LAMB1: variants seen among roughly 807,000 people sequenced by gnomAD.
LAMB1 encodes the protein laminin subunit beta-1.
Under a neutral mutation model 222.3 loss-of-function variants are expected in LAMB1, and 121 were observed. That is an observed-to-expected ratio of 0.54 (90% CI 0.47 to 0.63). The LOEUF (loss-of-function observed/expected upper bound fraction) is 0.63, where lower values mean the gene tolerates loss of function less well. Among genes scored for constraint, LAMB1 ranks in the 30% least tolerant of loss-of-function variants. LAMB1 has a pLI of 0.00. For missense variants in LAMB1, 2,172 were observed against 2,240.8 expected (o/e 0.97, Z 0.62); for synonymous variants, 794 against 807.2 (o/e 0.98, Z 0.28).
At chr7:107,934,913 A>C (rs1385182790) in intron 27 of LAMB1, among the ~76,000 whole-genome samples, 36 of 147,424 alleles carry the variant, frequency 2.4e-4, no homozygotes, top group Non-Finnish European at 4.8e-4. Context: ...AAAAAAAAAA[A>C]AAAAAAAGCG....
intron 24 of LAMB1, among the ~76,000 whole-genome samples, chr7:107,946,389 G>A (rs2033116409): frequency 6.6e-6 from 1 of 152,222 alleles, no homozygotes; most frequent in Non-Finnish European, 1.5e-5. Context: ...CTGCAGAAAT[G>A]AGCTGCCTGT....
Position 107,987,871 on chromosome 7 carries a change from A to G in LAMB1, c.424-1508T>C, listed in dbSNP as rs1227292891. On this transcript the variant is annotated intron_variant, in intron 5 of 33. Transcript: ENST00000222399. ...GGTGGAGGCGGCTGCACGTGGCAGA[A>G]GAGGTTGGTCGGGGCAGGTAAGAAG... Among the ~76,000 whole-genome samples, 3 of 152,220 alleles carry G rather than the reference A, an allele frequency of 2.0e-5. No individual in the cohort carries two copies. The East Asian group carries it at 5.8e-4, about 29-fold the overall frequency.
At chr7:107,977,684 C>G (rs752916011) in intron 9 of LAMB1, among the ~76,000 whole-genome samples, 8 of 152,024 alleles carry the variant, frequency 5.3e-5, no homozygotes, top group Non-Finnish European at 1.5e-5. Flanking sequence ...TCAGCTACTC[C>G]AGGAGAATCG....
At chr7:107,997,996 G>A (rs1433580389) in intron 4 of LAMB1, among the ~76,000 whole-genome samples, 1 of 152,034 alleles carries the variant, frequency 6.6e-6, no homozygotes, top group Non-Finnish European at 1.5e-5. Flanking sequence ...CCTTCCTTTG[G>A]GATTGATCAA....
intron 22 of LAMB1, among the ~76,000 whole-genome samples, 178 bp from the exon 23 acceptor site, chr7:107,952,401 G>A (rs912000088): frequency 6.6e-6 from 1 of 152,186 alleles, no homozygotes; most frequent in African/African-American, 2.4e-5. Flanking sequence ...AGAAGTTCTC[G>A]TGATTTCTTA....
chr7:107,926,075 G>T, intron 32 of LAMB1, 108 bp downstream of exon 32: 2 of 786,772 alleles, frequency 2.5e-6, no homozygotes, highest in Non-Finnish European at 4.2e-6. Flanking sequence ...TGATATTTCT[G>T]ATGAATTCTG....
Position 107,985,444 on chromosome 7 carries a change from G to C in LAMB1, c.676+578C>G, listed in dbSNP as rs145485564. The stretch of plus-strand genomic sequence containing the variant: ...TTCGAGACCCAGCCTGGCCAACATG[G>C]TGAAAACCCGTCTCTACTAAAAATA... On this transcript the variant is annotated intron_variant, in intron 7 of 33. Transcript: ENST00000222399. 6.4e-3 allele frequency among the ~76,000 whole-genome samples: 973 copies of C among 151,882 alleles called. 10 individuals carry two copies. Among genetic ancestry groups the C allele is most frequent in the African/African-American group, 0.021 (867 of 41,374 alleles).
At chr7:107,967,880 A>G (rs2033665968) in intron 13 of LAMB1, among the ~76,000 whole-genome samples, 1 of 152,246 alleles carries the variant, frequency 6.6e-6, no homozygotes, top group Non-Finnish European at 1.5e-5. Flanking sequence ...TAGAGTTACA[A>G]GCAAAGCACT....
rs200975122 is a variant in LAMB1 at position 107,952,119 on chromosome 7, C to T, written c.3184G>A (p.Gly1062Arg). Residue 1062 changes from glycine to arginine, a missense_variant, in exon 23 of 34, where the codon GGG becomes AGG. By Grantham distance (125) the Gly-to-Arg change is moderately radical. Transcript: ENST00000222399. ...GQCLCLPNVI[G>R]QNCDRCAPNT... is the part of the protein sequence containing the mutation. ...GGCGCACAGCGGTCACAGTTCTGCCCGATCACATTAGGAAGACACAAGCAC... is the reference window on the plus strand; with the variant it reads ...GGCGCACAGCGGTCACAGTTCTGCCTGATCACATTAGGAAGACACAAGCAC... 1.2e-5 allele frequency: 20 copies of T among 1,614,012 alleles called. No individual in the cohort carries two copies. Among genetic ancestry groups the T allele is most frequent in the Admixed American group, 1.7e-5 (1 of 60,020 alleles).
chr7:107,952,930 T>TG lies in LAMB1; in HGVS notation c.3079+599_3079+600insC, dbSNP rs1228185551. On this transcript the variant is annotated intron_variant, in intron 22 of 33. Transcript: ENST00000222399. ...AACCAGCAAGTTCATGGGCAGAGCA[T>TG]ACCATCAGTACCCTCTACTGGATGC... 3.1e-3 allele frequency among the ~76,000 whole-genome samples: 469 copies of TG among 152,324 alleles called. 1 individual carries two copies. Among genetic ancestry groups the TG allele is most frequent in the African/African-American group, 0.011 (452 of 41,570 alleles).
intron 4 of LAMB1, among the ~76,000 whole-genome samples, chr7:107,997,953 A>G (rs1223625067): frequency 6.6e-6 from 1 of 152,096 alleles, no homozygotes; most frequent in Non-Finnish European, 1.5e-5. Context: ...GAAGGAAGGC[A>G]GTGGGGGGAG....
At chr7:107,943,680 A>G (rs1188055089) in intron 24 of LAMB1, among the ~76,000 whole-genome samples, 1 of 152,020 alleles carries the variant, frequency 6.6e-6, no homozygotes, top group African/African-American at 2.4e-5. Context: ...GCCCAGAACT[A>G]TTTTTATTTC....
rs758826202 is a variant in LAMB1, at chr7:107,998,427, G to A, written c.279C>T (p.Ser93=). The A allele has an allele frequency of 1.9e-5, 31 of 1,613,380 alleles. No individual in the cohort carries two copies. Among genetic ancestry groups the A allele is most frequent in the Non-Finnish European group, 2.5e-5 (29 of 1,179,468 alleles). Residue 93 remains serine, a synonymous_variant, in exon 4 of 34, where the codon AGC becomes AGT. Transcript: ENST00000222399. The stretch of plus-strand genomic sequence containing the variant: ...TAGTGACCACATTTTCAATGAGATG[G>A]CTGTCAGGATTCAGGGTCTCATGAT... ...DPYHETLNPD[S]HLIENVVTTF...
chr7:107,925,198 C>T (rs191506430), intron 32 of LAMB1, among the ~76,000 whole-genome samples: 1 of 152,230 alleles, frequency 6.6e-6, no homozygotes, highest in East Asian at 1.9e-4. Flanking sequence ...CAGTAACTTC[C>T]AGAAAATTTT....
intron 7 of LAMB1, among the ~76,000 whole-genome samples, chr7:107,981,381 G>T (rs1024591919): frequency 6.6e-6 from 1 of 151,948 alleles, no homozygotes; most frequent in African/African-American, 2.4e-5. Flanking sequence ...CTGGGAGGTG[G>T]AGGTTGCAGT....
chr7:107,935,361 T>TTG, intron 27 of LAMB1, 54 bp downstream of exon 27: 1 of 719,344 alleles, frequency 1.4e-6, no homozygotes, highest in Non-Finnish European at 1.8e-6. Flanking sequence ...TTTTTTTTTT[T>TTG]TTTTTTTTTT....
intron 7 of LAMB1, among the ~76,000 whole-genome samples, 155 bp from the exon 8 acceptor site, chr7:107,980,966 C>G (rs952751151): frequency 6.6e-6 from 1 of 151,858 alleles, no homozygotes; most frequent in African/African-American, 2.4e-5. Context: ...AATAGTGAAG[C>G]CTAACATAAC....
In LAMB1 at chr7:107,975,832, G is replaced by A; in HGVS notation, c.1046C>T (p.Ala349Val). Residue 349 changes from alanine to valine, a missense_variant, in exon 10 of 34, where the codon GCT (alanine) becomes GTT (valine). Transcript: ENST00000222399. ...GACGTTCCCCGTGGCCAGGTAAACA[G>A]CCATGTCAAAGTGACAAGAGATGGA... The part of the protein sequence containing the change: ...EHSISCHFDM[A>V]VYLATGNVSG... The A allele has an allele frequency of 6.2e-7, 1 of 1,614,084 alleles. No homozygotes were observed. The highest frequency in any genetic ancestry group is 8.5e-7 in the Non-Finnish European group (1 of 1,179,996).
At chr7:107,999,484 A>G (rs545300705) in intron 3 of LAMB1, among the ~76,000 whole-genome samples, 1 of 152,314 alleles carries the variant, frequency 6.6e-6, no homozygotes, top group East Asian at 1.9e-4. Flanking sequence ...CAATTAACTG[A>G]CCGTACTTTT....
Sources: gnomAD v4.1 joint callset for allele counts (sites outside exome capture counted in the v4.1 genomes callset) on GRCh38, gnomAD v4.1.1 for gene constraint, MANE v1.5 for transcripts, NCBI Gene and HGNC (gene_info 2026-07-23, HGNC 2026-07-21) for gene names.